The following KCNAB1 variants were observed in gnomAD, a reference collection of about 807,000 sequenced individuals.
KCNAB1 encodes voltage-gated potassium channel subunit beta-1.
Under a neutral mutation model 64.6 loss-of-function variants are expected in KCNAB1, and 35 were observed. The observed-to-expected ratio is 0.54, with a 90% CI of 0.41 to 0.72. The LOEUF (loss-of-function observed/expected upper bound fraction) is 0.72, where lower values mean the gene tolerates loss of function less well. Ranked by LOEUF, KCNAB1 falls within the 30% of genes least tolerant of loss-of-function variation. The pLI is 0.00. For missense variants in KCNAB1, 401 were observed against 512.9 expected, an observed-to-expected ratio of 0.78 and a Z score of 2.11; for synonymous variants, 177 against 183.8, an observed-to-expected ratio of 0.96 and a Z score of 0.30.
chr3:156,357,167 A>G (rs1209540298), intron 1 of KCNAB1, among the ~76,000 whole-genome samples: 17 of 151,870 alleles, frequency 1.1e-4, no homozygotes, highest in South Asian at 2.1e-4. Flanking sequence ...GCGCACACAC[A>G]CACACACACA....
chr3:156,278,444 A>AT (rs1222536075), intron 1 of KCNAB1, among the ~76,000 whole-genome samples: 2 of 152,090 alleles, frequency 1.3e-5, no homozygotes, highest in Admixed American at 6.6e-5. Context: ...CACGAAGTCT[A>AT]TTTTTTCCCC....
intron 2 of KCNAB1, among the ~76,000 whole-genome samples, chr3:156,424,980 G>A (rs1322175171): frequency 6.6e-6 from 1 of 152,194 alleles, no homozygotes; most frequent in Non-Finnish European, 1.5e-5. Flanking sequence ...TTGACAACTT[G>A]AATAAGCACT....
At chr3:156,354,120 G>GTATATATATA (rs34730584) in intron 1 of KCNAB1, among the ~76,000 whole-genome samples, 4,210 of 132,368 alleles carry the variant, frequency 0.032, 66 homozygotes, top group Middle Eastern at 0.046. Flanking sequence ...ATGTGTGTGT[G>GTATATATATA]TATATATATA....
chr3:156,430,389 A>G (rs1716123417), intron 2 of KCNAB1, among the ~76,000 whole-genome samples: 1 of 152,228 alleles, frequency 6.6e-6, no homozygotes, highest in Admixed American at 6.5e-5. Context: ...CCACAAAGGG[A>G]TAAGTAGCCC....
chr3:156,118,786 C>T (rs960540508), upstream of KCNAB1, among the ~76,000 whole-genome samples: 2 of 152,188 alleles, frequency 1.3e-5, no homozygotes, highest in Non-Finnish European at 2.9e-5. Flanking sequence ...TGCAGAGCCC[C>T]CCATTGAAAC....
At chr3:156,490,965 A>G (rs965360650) in intron 8 of KCNAB1, among the ~76,000 whole-genome samples, 8 of 152,154 alleles carry the variant, frequency 5.3e-5, no homozygotes, top group African/African-American at 1.9e-4. Flanking sequence ...GAATACACAC[A>G]TGAAGGATCC....
intron 8 of KCNAB1, among the ~76,000 whole-genome samples, chr3:156,493,993 T>G (rs1715824025): frequency 6.6e-6 from 1 of 152,130 alleles, no homozygotes; most frequent in Non-Finnish European, 1.5e-5. Context: ...CCTTTAGTAA[T>G]TAATAAGTCT....
chr3:156,354,142 A>ATATATGTG (rs1491445238), intron 1 of KCNAB1, among the ~76,000 whole-genome samples: 3 of 123,154 alleles, frequency 2.4e-5, no homozygotes, highest in South Asian at 5.3e-4. Context: ...ATATATATAT[A>ATATATGTG]TGTGTATATA....
At chr3:156,485,219 G>A (rs556784914) in intron 8 of KCNAB1, among the ~76,000 whole-genome samples, 1 of 152,162 alleles carries the variant, frequency 6.6e-6, no homozygotes, top group East Asian at 1.9e-4. Flanking sequence ...TTCAAATGAA[G>A]TGTGCAAGAG....
At chr3:156,146,428 T>A (rs1715042544) in intron 1 of KCNAB1, among the ~76,000 whole-genome samples, 1 of 152,206 alleles carries the variant, frequency 6.6e-6, no homozygotes, top group Non-Finnish European at 1.5e-5. Flanking sequence ...GAGTCAAGGT[T>A]AAAATACACT....
At chr3:156,433,054 G>A (rs942302937) in intron 2 of KCNAB1, among the ~76,000 whole-genome samples, 7 of 152,054 alleles carry the variant, frequency 4.6e-5, no homozygotes, top group Non-Finnish European at 7.3e-5. Flanking sequence ...TGTAAAGCAC[G>A]GCCAGGCACT....
intron 2 of KCNAB1, among the ~76,000 whole-genome samples, chr3:156,446,390 T>G (rs1157996053): frequency 1.3e-5 from 2 of 152,194 alleles, no homozygotes; most frequent in African/African-American, 4.8e-5. Context: ...TAATTTTACC[T>G]GGTGTATTGC....
intron 3 of KCNAB1, among the ~76,000 whole-genome samples, chr3:156,453,735 G>A (rs573393505): frequency 5.9e-5 from 9 of 152,268 alleles, no homozygotes; most frequent in South Asian, 2.1e-4. Context: ...TGATCCTTCC[G>A]TGTCTACCTG....
chr3:156,303,401 A>G (rs1023612537), intron 1 of KCNAB1, among the ~76,000 whole-genome samples: 5 of 152,052 alleles, frequency 3.3e-5, no homozygotes, highest in Admixed American at 6.6e-5. Flanking sequence ...AAGAGTTAAA[A>G]CTCAACCTTT....
chr3:156,394,153 TATACAAATGCA>T (rs1713254619), intron 1 of KCNAB1, among the ~76,000 whole-genome samples: 1 of 152,222 alleles, frequency 6.6e-6, no homozygotes, highest in Admixed American at 6.5e-5. Flanking sequence ...GAGACAGTGC[TATACAAATGCA>T]CAGTTGTCTT....
rs188915845 is a variant in KCNAB1, at chr3:156,484,664, C to T, written c.658+9844C>T. Among the ~76,000 whole-genome samples, 30 of 152,212 alleles carry T rather than the reference C, an allele frequency of 2.0e-4. No individual in the cohort carries two copies. The East Asian group carries it at 4.8e-3, about 25-fold the overall frequency. ...ACTAACATGACTTAGCAGCAACACA[C>T]TCTGAGGGTTTACTGGCATGCTGAT... is the stretch of plus-strand genomic sequence containing the variant. On this transcript the variant is annotated intron_variant, in intron 8 of 13. Coordinates refer to ENST00000490337, the MANE Select transcript of KCNAB1 (RefSeq NM_172160.3).
intron 13 of KCNAB1, among the ~76,000 whole-genome samples, chr3:156,536,069 A>T (rs1463499837): frequency 6.6e-6 from 1 of 152,158 alleles, no homozygotes; most frequent in Non-Finnish European, 1.5e-5. Flanking sequence ...TGCCTGTTAA[A>T]CCCCAGCCAT....
chr3:156,437,115 C>T (rs1291738051), intron 2 of KCNAB1, among the ~76,000 whole-genome samples: 1 of 152,040 alleles, frequency 6.6e-6, no homozygotes, highest in Admixed American at 6.5e-5. Context: ...GTGATATCCA[C>T]AGTGTCCTAA....
intron 4 of KCNAB1, among the ~76,000 whole-genome samples, chr3:156,458,756 G>A (rs570436100): frequency 6.6e-6 from 1 of 152,280 alleles, no homozygotes; most frequent in East Asian, 1.9e-4. Flanking sequence ...GTAGAAAAAG[G>A]GAGAAGTAAG....
Sources: allele counts gnomAD v4.1 joint callset (sites outside exome capture counted in the v4.1 genomes callset), GRCh38; gene constraint gnomAD v4.1.1; transcripts MANE v1.5; gene names NCBI Gene and HGNC (gene_info 2026-07-23, HGNC 2026-07-21).